The following ADAMTS2 variants were observed in gnomAD, a reference collection of about 807,000 sequenced individuals.
The protein encoded by ADAMTS2 is ADAM metallopeptidase with thrombospondin type 1 motif 2.
ADAMTS2 carries 50 observed loss-of-function variants against 123.0 expected under a neutral mutation model. The observed-to-expected ratio is 0.41, with a 90% CI of 0.32 to 0.51. The LOEUF (loss-of-function observed/expected upper bound fraction) is 0.51, where lower values mean the gene tolerates loss of function less well. Ranked by LOEUF, ADAMTS2 falls within the 20% of genes least tolerant of loss-of-function variation. The pLI is 0.35. For synonymous variants in ADAMTS2, 678 were observed against 695.4 expected, an observed-to-expected ratio of 0.98 and a Z score of 0.39; for missense variants, 1,494 against 1,705.2, an observed-to-expected ratio of 0.88 and a Z score of 2.18.
rs1171516926 is a variant in ADAMTS2, at chr5:179,260,771, AC to A, written c.688+12139del. Among the ~76,000 whole-genome samples the A allele has an allele frequency of 6.6e-6, 1 of 152,230 alleles. No individual in the cohort carries two copies. The highest frequency in any genetic ancestry group is 2.4e-5 in the African/African-American group (1 of 41,468). ...TTACAAGAATCCTAGGAGATGATGT[AC>A]CTGCAGCGTGCTGGCAGACGCGGTC... On this transcript the variant is annotated intron_variant, in intron 3 of 21. Coordinates refer to ENST00000251582, the MANE Select transcript of ADAMTS2 (RefSeq NM_014244.5). This position sits in a 1 kb window ranked among gnomAD's most constrained non-coding sequence, Gnocchi z 4.2.
intron 6 of ADAMTS2, among the ~76,000 whole-genome samples, chr5:179,157,826 T>C (rs181442161): frequency 1.3e-5 from 2 of 152,382 alleles, no homozygotes; most frequent in East Asian, 3.9e-4. Flanking sequence ...TTTGTAGGCG[T>C]TCTTCACATA....
At chr5:179,165,884 G>A (rs1763687301) in intron 5 of ADAMTS2, among the ~76,000 whole-genome samples, 1 of 152,192 alleles carries the variant, frequency 6.6e-6, no homozygotes, top group Non-Finnish European at 1.5e-5. Flanking sequence ...CCAGGATGCA[G>A]GAGGAGTCCT....
rs1275520987 is a variant in ADAMTS2 at position 179,132,924 on chromosome 5, C to A, written c.2086-24G>T. Reference sequence around the variant, plus strand: ...TTCTGTTGGGGGAGGAGGCAGTGAGCACTTGAGACGTCCTGCTAGTAGAGT... The same window carrying A: ...TTCTGTTGGGGGAGGAGGCAGTGAGAACTTGAGACGTCCTGCTAGTAGAGT... On this transcript the variant is annotated intron_variant, in intron 13 of 21. Coordinates refer to ENST00000251582, the MANE Select transcript of ADAMTS2 (RefSeq NM_014244.5). The surrounding 1 kb of genome is among the most constrained non-coding windows in gnomAD (Gnocchi z 6.1). 6.2e-7 allele frequency: 1 copy of A among 1,611,898 alleles called. No individual in the cohort carries two copies. The highest frequency in any genetic ancestry group is 8.5e-7 in the Non-Finnish European group (1 of 1,179,180).
intron 2 of ADAMTS2, among the ~76,000 whole-genome samples, chr5:179,323,327 C>A (rs191945585): frequency 6.6e-6 from 1 of 152,342 alleles, no homozygotes; most frequent in Admixed American, 6.5e-5. Context: ...GCCTGGGCCC[C>A]CCACCCTCCA....
chr5:179,240,979 C>T (rs953470015), intron 3 of ADAMTS2, among the ~76,000 whole-genome samples: 7 of 152,238 alleles, frequency 4.6e-5, no homozygotes, highest in South Asian at 4.2e-4. Flanking sequence ...AAGGGATTTC[C>T]GGTCTTGTGA....
intron 3 of ADAMTS2, among the ~76,000 whole-genome samples, chr5:179,257,687 A>G (rs919749903): frequency 2.2e-4 from 33 of 152,226 alleles, no homozygotes; most frequent in African/African-American, 6.3e-4. Flanking sequence ...ACATTCCCGA[A>G]AGGAAAATAA....
chr5:179,318,697 G>A (rs1275411127), intron 2 of ADAMTS2, among the ~76,000 whole-genome samples: 1 of 152,102 alleles, frequency 6.6e-6, no homozygotes, highest in Non-Finnish European at 1.5e-5. Context: ...AGGGCAGGTG[G>A]GGCAATGCCA....
chr5:179,279,816 T>C (rs1766840421), intron 2 of ADAMTS2, among the ~76,000 whole-genome samples: 1 of 152,252 alleles, frequency 6.6e-6, no homozygotes, highest in Non-Finnish European at 1.5e-5. Flanking sequence ...GGGGCTCCTT[T>C]ACAGTTCAGC....
intron 4 of ADAMTS2, among the ~76,000 whole-genome samples, chr5:179,183,261 C>T (rs979162951): frequency 2.0e-5 from 3 of 152,208 alleles, no homozygotes; most frequent in Non-Finnish European, 4.4e-5. Flanking sequence ...TAATTGTCCA[C>T]AGTATTGCTT....
Position 179,125,044 on chromosome 5 carries a change from G to T in ADAMTS2, c.2887C>A (p.Arg963=), listed in dbSNP as rs746601737. ...CTGCAGGCCCGGCGGCTCTCGGGCC[G>T]GGCGTCATTGCAGTGCTTGGCGTGC... is the stretch of plus-strand genomic sequence containing the variant. ...SVHAKHCNDA[R]PESRRACSRE... Residue 963 remains arginine, a synonymous_variant, in exon 19 of 22, where the codon CGG becomes AGG. Transcript: ENST00000251582. The T allele has an allele frequency of 6.2e-7, 1 of 1,608,690 alleles. No homozygotes were observed. The highest frequency in any genetic ancestry group is 8.5e-7 in the Non-Finnish European group (1 of 1,178,888).
intron 4 of ADAMTS2, among the ~76,000 whole-genome samples, chr5:179,193,266 G>A (rs748799421): frequency 1.4e-4 from 22 of 152,326 alleles, no homozygotes; most frequent in African/African-American, 4.8e-4. Context: ...ATCATGGGCC[G>A]AGTGAACAAC....
intron 3 of ADAMTS2, among the ~76,000 whole-genome samples, chr5:179,218,508 T>G (rs1351120028): frequency 6.6e-6 from 1 of 152,230 alleles, no homozygotes; most frequent in African/African-American, 2.4e-5. Flanking sequence ...TGGTGTACTT[T>G]ATTAAAAGAT....
rs552460036 is a variant in ADAMTS2, at chr5:179,128,254, C to G, written c.2458-136G>C. On this transcript the variant is annotated intron_variant, in intron 16 of 21. Transcript: ENST00000251582. The surrounding 1 kb of genome is among the most constrained non-coding windows in gnomAD (Gnocchi z 4.9). ...GCAGTTACATTCCATGAAGTCGCCC[C>G]GAGCACCAAATTCTTGAATAGGGAG... The G allele has an allele frequency of 1.8e-6, 2 of 1,115,800 alleles. No individual in the cohort carries two copies. The highest frequency in any genetic ancestry group is 1.3e-6 in the Non-Finnish European group (1 of 765,318). 69.1% of individuals were successfully genotyped at this position (1,115,800 alleles called of 1,614,324 possible). A position where few individuals can be genotyped will look rare whatever the true frequency, so the allele number is the denominator to read the frequency against.
At chr5:179,316,576 A>G (rs1561734017) in intron 2 of ADAMTS2, among the ~76,000 whole-genome samples, 1 of 152,204 alleles carries the variant, frequency 6.6e-6, no homozygotes, top group East Asian at 1.9e-4. Flanking sequence ...GAGCTCCAAG[A>G]GAACAGAAGG....
intron 3 of ADAMTS2, among the ~76,000 whole-genome samples, chr5:179,229,260 CG>C (rs1765354297): frequency 6.6e-6 from 1 of 151,820 alleles, no homozygotes; most frequent in Non-Finnish European, 1.5e-5. Flanking sequence ...GTCACAAACA[CG>C]AGACCCCGCT....
chr5:179,164,669 G>T (rs910988607), intron 5 of ADAMTS2, among the ~76,000 whole-genome samples: 2 of 152,172 alleles, frequency 1.3e-5, no homozygotes, highest in African/African-American at 4.8e-5. Flanking sequence ...GTTTTGCTTT[G>T]GGAGCTCTCC....
rs571680448 is a variant in ADAMTS2, at chr5:179,192,223, C to T, written c.892-11068G>A. On this transcript the variant is annotated intron_variant, in intron 4 of 21. Transcript: ENST00000251582. ...CTGTGCCCCTCGACCTGGGCAGGGG[C>T]CCCCAAGGCACTCAGAGCGCAGGGC... is the stretch of plus-strand genomic sequence containing the variant. Among the ~76,000 whole-genome samples the T allele has an allele frequency of 2.0e-5, 3 of 152,322 alleles. No homozygotes were observed. The East Asian group carries it at 5.8e-4, about 29-fold the overall frequency.
chr5:179,240,426 T>C (rs1279840174), intron 3 of ADAMTS2, among the ~76,000 whole-genome samples: 1 of 151,964 alleles, frequency 6.6e-6, no homozygotes, highest in East Asian at 1.9e-4. Flanking sequence ...GAGGGAAGGA[T>C]CAGTGGTGTG....
rs1353932685 is a variant in ADAMTS2 at position 179,131,299 on chromosome 5, C to A, written c.2290+931G>T. 5.9e-5 allele frequency among the ~76,000 whole-genome samples: 6 copies of A among 101,282 alleles called. No individual in the cohort carries two copies. In the East Asian group the frequency reaches 1.1e-3, roughly 19 times the overall value. The allele number at this position is 101,282 out of a possible 152,430, so 66.4% of individuals were successfully genotyped here. A position where few individuals can be genotyped will look rare whatever the true frequency, so the allele number is the denominator to read the frequency against. ...CTGCACTCCAGCCTGGGCGACAGAG[C>A]GAGACTCAAAAAAAAAAAAAAAAAA... On this transcript the variant is annotated intron_variant, in intron 15 of 21. Transcript: ENST00000251582.
Sources: allele counts gnomAD v4.1 joint callset (sites outside exome capture counted in the v4.1 genomes callset), GRCh38; gene constraint gnomAD v4.1.1; non-coding constraint Gnocchi (gnomAD v3.1); transcripts MANE v1.5; gene names NCBI Gene and HGNC (gene_info 2026-07-23, HGNC 2026-07-21).